The following ADAMTS2 variants were observed in gnomAD, a reference collection of about 807,000 sequenced individuals.
ADAMTS2 encodes ADAM metallopeptidase with thrombospondin type 1 motif 2.
In ADAMTS2, 50 loss-of-function variants were observed where a neutral mutation model predicts 123.0. That is an observed-to-expected ratio of 0.41 (90% confidence interval 0.32 to 0.51). The LOEUF (loss-of-function observed/expected upper bound fraction) is 0.51. ADAMTS2 is among the 20% of genes least tolerant of loss of function. The pLI is 0.35. For missense variants in ADAMTS2, 1,494 were observed against 1,705.2 expected (o/e 0.88, Z 2.18); for synonymous variants, 678 against 695.4 (o/e 0.98, Z 0.39).
intron 2 of ADAMTS2, among the ~76,000 whole-genome samples, chr5:179,277,389 C>A (rs1381972918): frequency 2.7e-5 from 1 of 36,532 alleles, no homozygotes; most frequent in Admixed American, 3.2e-4. Context: ...AGGCTGACCC[C>A]CCCCCCGAGA....
intron 3 of ADAMTS2, among the ~76,000 whole-genome samples, chr5:179,257,072 G>C (rs1252301261): frequency 6.6e-6 from 1 of 152,224 alleles, no homozygotes. Context: ...GGGAGGCCCA[G>C]GCCTGGTCCC....
chr5:179,122,568 C>T, intron 20 of ADAMTS2, 76 bp downstream of exon 20: 4 of 1,530,758 alleles, frequency 2.6e-6, no homozygotes, highest in Non-Finnish European at 3.5e-6. Flanking sequence ...CCAGATTTGC[C>T]TGAACCAAGC....
intron 10 of ADAMTS2, among the ~76,000 whole-genome samples, chr5:179,149,597 T>C (rs976668552): frequency 2.0e-5 from 3 of 152,114 alleles, no homozygotes; most frequent in Non-Finnish European, 4.4e-5. Context: ...AACCTGGAAA[T>C]GGAAGCTGGG....
intron 10 of ADAMTS2, 90 bp downstream of exon 10, chr5:179,152,052 C>G: frequency 8.1e-7 from 1 of 1,228,024 alleles, no homozygotes; most frequent in South Asian, 1.3e-5. Flanking sequence ...GCCCCCACCC[C>G]CACTTCAGGG....
At chr5:179,146,508 G>A (rs1013477175) in intron 10 of ADAMTS2, among the ~76,000 whole-genome samples, 8 of 152,216 alleles carry the variant, frequency 5.3e-5, no homozygotes, top group Non-Finnish European at 1.2e-4. Context: ...CAGTGGCAGC[G>A]TTCGCAGCTC....
At position 179,114,084 on chromosome 5, in the gene ADAMTS2, A is replaced by G. The variant is rs769295306; in HGVS notation, c.3419T>C (p.Leu1140Pro). The change falls in exon 22 of 22, where the codon CTG (leucine) becomes CCG (proline). Residue 1140 changes from leucine to proline, a missense_variant. By Grantham distance (98) the Leu-to-Pro change is moderately conservative (BLOSUM62 -3). This residue lies in a region of ADAMTS2 where 953 missense variants were observed against 1,124.7 expected (regional missense o/e 0.85). Coordinates refer to ENST00000251582, the MANE Select transcript of ADAMTS2 (RefSeq NM_014244.5). ...GCTGGAGGCATTGAGAGGGACCTCCAGGGGGGTGCTTGGTGATGGCCGCAC... is the reference window on the plus strand; with the variant it reads ...GCTGGAGGCATTGAGAGGGACCTCCGGGGGGGTGCTTGGTGATGGCCGCAC... ...MEVRPSPSTP[L>P]EVPLNASSTN... is the part of the protein sequence containing the mutation. 1 of 1,614,070 alleles carries G rather than the reference A, an allele frequency of 6.2e-7. No homozygotes were observed.
At chr5:179,302,523 C>T (rs1325138782) in intron 2 of ADAMTS2, among the ~76,000 whole-genome samples, 4 of 151,936 alleles carry the variant, frequency 2.6e-5, no homozygotes, top group South Asian at 2.1e-4. Flanking sequence ...GGACTTGTGG[C>T]CCAGTGGGTC....
At chr5:179,248,223 C>T (rs1383094164) in intron 3 of ADAMTS2, among the ~76,000 whole-genome samples, 5 of 151,988 alleles carry the variant, frequency 3.3e-5, no homozygotes. Flanking sequence ...AAGACCATAG[C>T]TTTTAAATAT....
Position 179,185,147 on chromosome 5 carries a change from C to T in ADAMTS2, c.892-3992G>A, listed in dbSNP as rs774336521. On this transcript the variant is annotated intron_variant, in intron 4 of 21. Transcript: ENST00000251582. The surrounding 1 kb of genome is among the most constrained non-coding windows in gnomAD (Gnocchi z 5.9). ...GGAGGGGAGCACTGAGGCCAGACCA[C>T]GAAGTCAGGAGAAGGATTCCAAATC... Among the ~76,000 whole-genome samples the T allele has an allele frequency of 1.3e-5, 2 of 152,206 alleles. No homozygotes were observed. The highest frequency in any genetic ancestry group is 1.9e-4 in the East Asian group (1 of 5,170).
chr5:179,210,490 T>C (rs1481875808), intron 3 of ADAMTS2, among the ~76,000 whole-genome samples: 1 of 152,284 alleles, frequency 6.6e-6, no homozygotes, highest in East Asian at 1.9e-4. Context: ...TTAATCGTGA[T>C]AATTTTGGGG....
chr5:179,138,296 G>A (rs531330185), intron 11 of ADAMTS2, among the ~76,000 whole-genome samples: 1 of 152,300 alleles, frequency 6.6e-6, no homozygotes, highest in African/African-American at 2.4e-5. Context: ...GGGTGTTTAG[G>A]TTCTGTGTTC....
intron 3 of ADAMTS2, among the ~76,000 whole-genome samples, chr5:179,265,115 C>A (rs1321295831): frequency 6.6e-6 from 1 of 152,230 alleles, no homozygotes; most frequent in African/African-American, 2.4e-5. Flanking sequence ...TCTGTGGGAG[C>A]AGCCCTAATG....
intron 2 of ADAMTS2, among the ~76,000 whole-genome samples, chr5:179,313,220 A>ATT (rs1756879844): frequency 2.0e-5 from 3 of 149,168 alleles, no homozygotes; most frequent in Non-Finnish European, 4.5e-5. Flanking sequence ...GCACACACAC[A>ATT]CACCGAGACA....
chr5:179,285,215 T>C lies in ADAMTS2; in HGVS notation c.535-12151A>G, dbSNP rs1330232853. ...AGTTTCACTTTTTATTAATATTTTC[T>C]GTATTTTTTTTGTTTTACATTTTTA... On this transcript the variant is annotated intron_variant, in intron 2 of 21. Transcript: ENST00000251582. The surrounding 1 kb of genome is among the most constrained non-coding windows in gnomAD (Gnocchi z 4.9). Among the ~76,000 whole-genome samples the C allele has an allele frequency of 1.3e-5, 2 of 152,220 alleles. No homozygotes were observed. The highest frequency in any genetic ancestry group is 2.9e-5 in the Non-Finnish European group (2 of 68,044).
chr5:179,215,047 A>G (rs931610020), intron 3 of ADAMTS2, among the ~76,000 whole-genome samples: 2 of 152,268 alleles, frequency 1.3e-5, no homozygotes, highest in Admixed American at 6.5e-5. Flanking sequence ...AATGACAATG[A>G]GGAGGCATAT....
At position 179,230,361 on chromosome 5, in the gene ADAMTS2, TGATGCCGA is replaced by T. The variant is rs1266186801; in HGVS notation, c.689-22654_689-22647del. Reference sequence around the variant, plus strand: ...CTGGCCCTGGGCACTCACAGGGCATTGATGCCGAGATGCTCAGCTGTGCAGAGGGTGTG... The same window carrying T: ...CTGGCCCTGGGCACTCACAGGGCATTGATGCTCAGCTGTGCAGAGGGTGTG... On this transcript the variant is annotated intron_variant, in intron 3 of 21. Transcript: ENST00000251582. Among the ~76,000 whole-genome samples, 33 of 152,134 alleles carry T rather than the reference TGATGCCGA, an allele frequency of 2.2e-4. 1 individual carries two copies. The highest frequency in any genetic ancestry group is 2.2e-3 in the Admixed American group (33 of 15,278).
intron 3 of ADAMTS2, among the ~76,000 whole-genome samples, chr5:179,251,959 T>C (rs1187536864): frequency 6.6e-6 from 1 of 151,872 alleles, no homozygotes; most frequent in Non-Finnish European, 1.5e-5. Flanking sequence ...GCAACAATGA[T>C]CAGAACTCAG....
chr5:179,148,616 C>T (rs948846255), intron 10 of ADAMTS2, among the ~76,000 whole-genome samples: 7 of 152,310 alleles, frequency 4.6e-5, no homozygotes, highest in African/African-American at 1.4e-4. Flanking sequence ...GCTGGGGAGC[C>T]GTCCTCCTGT....
chr5:179,305,419 AG>A (rs1265953748), intron 2 of ADAMTS2, among the ~76,000 whole-genome samples: 1 of 151,482 alleles, frequency 6.6e-6, no homozygotes, highest in Non-Finnish European at 1.5e-5. Flanking sequence ...ATATGATGGC[AG>A]GGTCTCAACA....
Sources: gnomAD v4.1 joint callset for allele counts (sites outside exome capture counted in the v4.1 genomes callset) on GRCh38, gnomAD v4.1.1 for gene constraint, gnomAD v4.1.1 regional missense constraint, Gnocchi (gnomAD v3.1) non-coding constraint, MANE v1.5 for transcripts, NCBI Gene and HGNC (gene_info 2026-07-23, HGNC 2026-07-21) for gene names.